Variants in ABHD12 observed in about 807,000 individuals in gnomAD.
ABHD12 encodes the protein lysophosphatidylserine lipase ABHD12.
ABHD12 carries 43 observed loss-of-function variants against 58.3 expected under a neutral mutation model. The ratio of observed to expected loss-of-function variants is 0.74; its 90% CI spans 0.58 to 0.95. ABHD12 has a LOEUF of 0.95. ABHD12 is among the 40% of genes least tolerant of loss of function. The pLI is 0.00. For missense variants in ABHD12, 539 were observed against 537.2 expected, an observed-to-expected ratio of 1.00 and a Z score of -0.03; for synonymous variants, 219 against 211.2, an observed-to-expected ratio of 1.04 and a Z score of -0.32.
At chr20:25,356,888 C>A (rs1282733409) in intron 1 of ABHD12, among the ~76,000 whole-genome samples, 1 of 152,056 alleles carries the variant, frequency 6.6e-6, no homozygotes, top group African/African-American at 2.4e-5. Context: ...GTAATCCCAG[C>A]ACGTTGGGAG....
intron 1 of ABHD12, among the ~76,000 whole-genome samples, chr20:25,388,519 G>A (rs2090125007): frequency 1.3e-5 from 2 of 152,158 alleles, no homozygotes; most frequent in Admixed American, 6.5e-5. Flanking sequence ...GAGCCTGAGC[G>A]AGGAAGAGAA....
intron 2 of ABHD12, among the ~76,000 whole-genome samples, chr20:25,323,896 G>A (rs181053434): frequency 2.6e-5 from 4 of 152,248 alleles, no homozygotes; most frequent in East Asian, 1.9e-4. Flanking sequence ...AGGGGATGGC[G>A]CTGCAGGACC....
In ABHD12 at chr20:25,308,103, C is replaced by T. The variant is rs991724771; in HGVS notation, c.788-58G>A. The T allele has an allele frequency of 2.4e-6, 3 of 1,225,850 alleles. No individual in the cohort carries two copies. The Admixed American group carries it at 5.0e-5, about 21-fold the overall frequency. 75.9% of individuals were successfully genotyped at this position (1,225,850 alleles called of 1,614,324 possible). On this transcript the variant is annotated intron_variant, in intron 8 of 12. Transcript: ENST00000339157. ...CAGGAAGCCAGCGACATACATGTGG[C>T]CTGTGGGGCTCTGAGGGGCCCCCAG...
chr20:25,353,721 G>C (rs2089632135), intron 1 of ABHD12, among the ~76,000 whole-genome samples: 1 of 152,212 alleles, frequency 6.6e-6, no homozygotes, highest in South Asian at 2.1e-4. Context: ...CCGAGGCATA[G>C]AGAAATTAAA....
In ABHD12 at chr20:25,317,004, A is replaced by G. The variant is rs41297630; in HGVS notation, c.573+44T>C. ...TGACTCCCTTCACTTCCTGCCCTGGAAAGAACAGCCCAGGGAACAGGTGTG... is the reference window on the plus strand; with the variant it reads ...TGACTCCCTTCACTTCCTGCCCTGGGAAGAACAGCCCAGGGAACAGGTGTG... On this transcript the variant is annotated intron_variant, in intron 5 of 12. Coordinates refer to ENST00000339157, the MANE Select transcript of ABHD12 (RefSeq NM_001042472.3). 0.015 allele frequency: 23,897 copies of G among 1,596,518 alleles called. 270 individuals are homozygous for G. The highest frequency in any genetic ancestry group is 0.019 in the Non-Finnish European group (22,166 of 1,164,736).
At chr20:25,360,397 C>T (rs757590021) in intron 1 of ABHD12, among the ~76,000 whole-genome samples, 3 of 151,472 alleles carry the variant, frequency 2.0e-5, no homozygotes, top group African/African-American at 7.3e-5. Context: ...TGCACCACCA[C>T]GCCCGACTAA....
intron 1 of ABHD12, among the ~76,000 whole-genome samples, chr20:25,372,685 T>TA (rs1232386178): frequency 6.6e-6 from 1 of 152,360 alleles, no homozygotes; most frequent in South Asian, 2.1e-4. Context: ...GTGGACCACT[T>TA]ATACAATGGT....
chr20:25,385,446 A>ATTGGTAAT (rs2090076838), intron 1 of ABHD12, among the ~76,000 whole-genome samples: 1 of 152,116 alleles, frequency 6.6e-6, no homozygotes, highest in Non-Finnish European at 1.5e-5. Flanking sequence ...GGTGAATTAA[A>ATTGGTAAT]TTGGTAATTT....
At chr20:25,354,047 A>C (rs985497456) in intron 1 of ABHD12, among the ~76,000 whole-genome samples, 2 of 152,202 alleles carry the variant, frequency 1.3e-5, no homozygotes. Flanking sequence ...TTTGGAGACA[A>C]AGGAAGCCAT....
intron 1 of ABHD12, among the ~76,000 whole-genome samples, chr20:25,364,322 A>T (rs1248292891): frequency 6.6e-6 from 1 of 152,206 alleles, no homozygotes; most frequent in Admixed American, 6.5e-5. Flanking sequence ...TAAAGAAAAG[A>T]GGTTTATTTG....
chr20:25,356,804 G>A (rs911769117), intron 1 of ABHD12, among the ~76,000 whole-genome samples: 4 of 152,178 alleles, frequency 2.6e-5, no homozygotes, highest in Admixed American at 1.3e-4. Flanking sequence ...GAAGGGAAAT[G>A]CTTAGCGAGG....
At chr20:25,359,539 A>G (rs1424360893) in intron 1 of ABHD12, among the ~76,000 whole-genome samples, 1 of 151,932 alleles carries the variant, frequency 6.6e-6, no homozygotes, top group Non-Finnish European at 1.5e-5. Flanking sequence ...ATCTCATATT[A>G]TCTTCTCATT....
chr20:25,297,777 G>A (rs984118867), downstream of ABHD12: 2 of 152,252 alleles, frequency 1.3e-5, no homozygotes, highest in Non-Finnish European at 2.9e-5. Flanking sequence ...TGCCCACCAG[G>A]AGGATCTGCG....
intron 6 of ABHD12, among the ~76,000 whole-genome samples, chr20:25,311,592 C>G (rs2088850289): frequency 6.6e-6 from 1 of 152,244 alleles, no homozygotes; most frequent in Admixed American, 6.5e-5. Context: ...CCTCCCATAT[C>G]TCCTCTTGGT....
At chr20:25,321,342 G>C (rs1381625785) in intron 3 of ABHD12, among the ~76,000 whole-genome samples, 1 of 152,268 alleles carries the variant, frequency 6.6e-6, no homozygotes, top group Non-Finnish European at 1.5e-5. Context: ...TCAGCAGACA[G>C]GCGATGGCCA....
chr20:25,365,086 C>T (rs888600302), intron 1 of ABHD12, among the ~76,000 whole-genome samples: 2 of 152,258 alleles, frequency 1.3e-5, no homozygotes, highest in African/African-American at 4.8e-5. Context: ...GCTGCTGGTA[C>T]AGCACCAAGT....
At chr20:25,317,226 C>T (rs2088979847) in intron 4 of ABHD12, 148 bp from the exon 5 acceptor site, 2 of 686,386 alleles carry the variant, frequency 2.9e-6, no homozygotes, top group African/African-American at 1.8e-5. Context: ...CCCACACTCG[C>T]CTCTGGCAGT....
downstream of ABHD12, chr20:25,295,562 G>A: frequency 1.9e-6 from 3 of 1,581,498 alleles, no homozygotes; most frequent in Non-Finnish European, 1.7e-6. Flanking sequence ...TGTGGGCAGG[G>A]CTCCCTGCTG....
chr20:25,312,933 C>G (rs1470589946), intron 6 of ABHD12, among the ~76,000 whole-genome samples: 2 of 151,488 alleles, frequency 1.3e-5, no homozygotes, highest in African/African-American at 4.9e-5. Context: ...AAGTGAGGAG[C>G]GTCTCCACCC....
Sources: gnomAD v4.1 joint callset for allele counts (sites outside exome capture counted in the v4.1 genomes callset) on GRCh38, gnomAD v4.1.1 for gene constraint, MANE v1.5 for transcripts, NCBI Gene and HGNC (gene_info 2026-07-23, HGNC 2026-07-21) for gene names.